The following RYR2 variants were observed in gnomAD, a reference collection of about 807,000 sequenced individuals.
RYR2 encodes the protein ryanodine receptor 2.
Under a neutral mutation model 601.1 loss-of-function variants are expected in RYR2, and 227 were observed. That is an observed-to-expected ratio of 0.38 (90% CI 0.34 to 0.42). The LOEUF is 0.42. Among genes scored for constraint, RYR2 ranks in the 10% least tolerant of loss-of-function variants. The pLI is 1.00. For synonymous variants in RYR2, 2,223 were observed against 2,175.1 expected, an observed-to-expected ratio of 1.02 and a Z score of -0.61; for missense variants, 4,646 against 6,156.5, an observed-to-expected ratio of 0.75 and a Z score of 8.21.
chr1:237,541,767 G>A lies in RYR2; in HGVS notation c.2907-6664G>A, dbSNP rs558108250. On this transcript the variant is annotated intron_variant, in intron 25 of 104. Coordinates refer to ENST00000366574, the MANE Select transcript of RYR2 (RefSeq NM_001035.3). ...AAGGGGATTTGTTCTCTGGTGGGCA[G>A]GAGTGGGGGTCACAAGGTGTTCAGT... Among the ~76,000 whole-genome samples, 11 of 152,236 alleles carry A rather than the reference G, an allele frequency of 7.2e-5. No homozygotes were observed. The South Asian group carries it at 2.3e-3, about 32-fold the overall frequency.
chr1:237,315,116 T>C lies in RYR2; in HGVS notation c.169-15762T>C, dbSNP rs565699024. 1.7e-3 allele frequency among the ~76,000 whole-genome samples: 266 copies of C among 152,326 alleles called. 1 individual carries two copies. The highest frequency in any genetic ancestry group is 3.3e-3 in the Non-Finnish European group (226 of 68,016). On this transcript the variant is annotated intron_variant, in intron 2 of 104. Transcript: ENST00000366574. ...GGATCTTTCCGGTTAGTAACCTACA[T>C]GTGAATGAATAAGATGAGTACATGT...
chr1:237,279,583 T>C (rs993300115), intron 2 of RYR2, among the ~76,000 whole-genome samples: 1 of 152,178 alleles, frequency 6.6e-6, no homozygotes, highest in Admixed American at 6.5e-5. Flanking sequence ...AAATTTTTAA[T>C]TGAGCAAAAA....
chr1:237,746,664 C>T (rs1451650552), intron 80 of RYR2, among the ~76,000 whole-genome samples: 2 of 151,972 alleles, frequency 1.3e-5, no homozygotes, highest in African/African-American at 4.8e-5. Flanking sequence ...TATTAAATAA[C>T]TTTATTGCAT....
Position 237,648,318 on chromosome 1 carries a change from C to T in RYR2, c.7343-126C>T, listed in dbSNP as rs1042537619. Reference sequence around the variant, plus strand: ...ACTCCCATAATAGCTTGAGGGTAGTCGAAGAACAGAAAGCCATTTCATTGA... The same window carrying T: ...ACTCCCATAATAGCTTGAGGGTAGTTGAAGAACAGAAAGCCATTTCATTGA... On this transcript the variant is annotated intron_variant, in intron 48 of 104. Transcript: ENST00000366574. 2.1e-5 allele frequency: 18 copies of T among 858,390 alleles called. 1 individual carries two copies. The Middle Eastern group carries it at 1.2e-3, about 58-fold the overall frequency. 53.2% of individuals were successfully genotyped at this position (858,390 alleles called of 1,614,324 possible). A position where few individuals can be genotyped will look rare whatever the true frequency, so the allele number is the denominator to read the frequency against.
intron 1 of RYR2, among the ~76,000 whole-genome samples, chr1:237,268,917 A>G (rs1385469119): frequency 4.0e-5 from 5 of 125,144 alleles, no homozygotes; most frequent in Admixed American, 1.6e-4. Context: ...GCCTGGTGAC[A>G]GAGGAAGACT....
intron 1 of RYR2, among the ~76,000 whole-genome samples, chr1:237,043,504 G>A (rs1237124004): frequency 1.3e-5 from 2 of 152,030 alleles, no homozygotes; most frequent in Non-Finnish European, 2.9e-5. Context: ...TCATTTGTTC[G>A]AACACTGCAG....
chr1:237,738,538 A>G (rs1691339666), intron 79 of RYR2, among the ~76,000 whole-genome samples: 1 of 152,036 alleles, frequency 6.6e-6, no homozygotes, highest in Non-Finnish European at 1.5e-5. Context: ...ATTTATATAT[A>G]GATAGATAAA....
intron 16 of RYR2, among the ~76,000 whole-genome samples, chr1:237,466,094 A>G (rs998828805): frequency 1.3e-5 from 2 of 152,164 alleles, no homozygotes; most frequent in Non-Finnish European, 1.5e-5. Context: ...CTATATATCT[A>G]TGTATCTATA....
chr1:237,742,271 T>TC (rs796999413), intron 79 of RYR2, 25 bp from the exon 80 acceptor site: 8 of 363,056 alleles, frequency 2.2e-5, no homozygotes, highest in Non-Finnish European at 3.1e-5. Context: ...TCCTGTCTCC[T>TC]TTTTTTTTTT....
chr1:237,106,067 G>A lies in RYR2; in HGVS notation c.48+63498G>A, dbSNP rs1045721052. Among the ~76,000 whole-genome samples, 7 of 152,176 alleles carry A rather than the reference G, an allele frequency of 4.6e-5. No homozygotes were observed. The highest frequency in any genetic ancestry group is 1.9e-4 in the East Asian group (1 of 5,152). ...GTGGTGGGGAGGCCAGAGGGGCTGCGGGTGTGGGCCGGGCAGGTGGAGGAG... is the reference window on the plus strand; with the variant it reads ...GTGGTGGGGAGGCCAGAGGGGCTGCAGGTGTGGGCCGGGCAGGTGGAGGAG... On this transcript the variant is annotated intron_variant, in intron 1 of 104. Transcript: ENST00000366574. The surrounding 1 kb of genome is among the most constrained non-coding windows in gnomAD (Gnocchi z 4.4).
intron 1 of RYR2, among the ~76,000 whole-genome samples, chr1:237,252,202 C>T (rs1305401306): frequency 6.6e-6 from 1 of 151,970 alleles, no homozygotes. Context: ...CTCCGTGGCC[C>T]TCTGGGTCTA....
At chr1:237,761,396 C>T (rs1693425797) in intron 84 of RYR2, among the ~76,000 whole-genome samples, 1 of 152,152 alleles carries the variant, frequency 6.6e-6, no homozygotes, top group Non-Finnish European at 1.5e-5. Flanking sequence ...TTAGCAAAGT[C>T]GGGCTCTCAG....
chr1:237,383,928 C>T (rs929949521), intron 8 of RYR2, among the ~76,000 whole-genome samples: 5 of 152,054 alleles, frequency 3.3e-5, no homozygotes, highest in African/African-American at 4.8e-5. Flanking sequence ...AGCCTAAGGC[C>T]GACTTGGCTT....
At chr1:237,252,284 C>A (rs184108817) in intron 1 of RYR2, among the ~76,000 whole-genome samples, 6 of 152,136 alleles carry the variant, frequency 3.9e-5, no homozygotes, top group African/African-American at 1.4e-4. Context: ...TTCCTGGAGC[C>A]GACTGAGACA....
chr1:237,279,747 A>G (rs1327930701), intron 2 of RYR2, among the ~76,000 whole-genome samples: 3 of 152,202 alleles, frequency 2.0e-5, no homozygotes, highest in East Asian at 1.9e-4. Flanking sequence ...TGCTGCCCCT[A>G]CAAAAGGGAC....
chr1:237,469,244 C>G, intron 17 of RYR2, 57 bp downstream of exon 17: 5 of 405,484 alleles, frequency 1.2e-5, no homozygotes, highest in East Asian at 6.2e-5. Context: ...TTCTTTGCTT[C>G]GTATCCTTTA....
chr1:237,485,755 A>T (rs1009186846), intron 17 of RYR2, among the ~76,000 whole-genome samples: 1 of 152,168 alleles, frequency 6.6e-6, no homozygotes, highest in African/African-American at 2.4e-5. Context: ...ATACATATTA[A>T]TTGTTGTTTG....
chr1:237,249,561 T>C (rs1687246866), intron 1 of RYR2, among the ~76,000 whole-genome samples: 1 of 152,054 alleles, frequency 6.6e-6, no homozygotes, highest in Non-Finnish European at 1.5e-5. Context: ...TTTTATTTTT[T>C]AATAAATGAG....
chr1:237,625,463 C>A (rs1679547252), intron 39 of RYR2, among the ~76,000 whole-genome samples, 198 bp from the exon 40 acceptor site: 1 of 151,810 alleles, frequency 6.6e-6, no homozygotes, highest in Admixed American at 6.6e-5. Context: ...AGGAATAGAA[C>A]AAAAAGAGAG....
Sources: allele counts gnomAD v4.1 joint callset (sites outside exome capture counted in the v4.1 genomes callset), GRCh38; gene constraint gnomAD v4.1.1; non-coding constraint Gnocchi (gnomAD v3.1); transcripts MANE v1.5; gene names NCBI Gene and HGNC (gene_info 2026-07-23, HGNC 2026-07-21).